TMEM50B: variants seen among roughly 807,000 people sequenced by gnomAD.
TMEM50B encodes the protein HCV p7-trans-regulated protein 3.
TMEM50B carries 14 observed loss-of-function variants against 23.4 expected under a neutral mutation model. The ratio of observed to expected loss-of-function variants is 0.60; its 90% CI spans 0.39 to 0.93. The LOEUF is 0.93. Ranked by LOEUF, TMEM50B falls within the 40% of genes least tolerant of loss-of-function variation. TMEM50B has a pLI of 0.00. For missense variants in TMEM50B, 159 were observed against 193.0 expected (o/e 0.82, Z 1.04); for synonymous variants, 64 against 62.3 (o/e 1.03, Z -0.13).
chr21:33,460,560 T>C (rs1400188344), intron 4 of TMEM50B, 55 bp from the exon 5 acceptor site: 1 of 1,051,508 alleles, frequency 9.5e-7, no homozygotes, highest in Admixed American at 2.3e-5. Flanking sequence ...CTGTAACGTC[T>C]TAGGAATACA....
chr21:33,459,647 GAC>G (rs1281512086), intron 5 of TMEM50B, among the ~76,000 whole-genome samples: 2 of 137,362 alleles, frequency 1.5e-5, no homozygotes, highest in Admixed American at 8.0e-5. Flanking sequence ...CATCCTGGGT[GAC>G]AGAGTGAGAC....
At chr21:33,443,676 T>C (rs2084027821) in intron 7 of TMEM50B, among the ~76,000 whole-genome samples, 1 of 152,150 alleles carries the variant, frequency 6.6e-6, no homozygotes, top group African/African-American at 2.4e-5. Context: ...TCTGAAGAAT[T>C]TGAATAAGGC....
chr21:33,467,873 A>G (rs746923585), intron 2 of TMEM50B, among the ~76,000 whole-genome samples: 26 of 152,192 alleles, frequency 1.7e-4, no homozygotes, highest in Non-Finnish European at 2.8e-4. Flanking sequence ...GTAAACAGAT[A>G]AAGAAATTTG....
chr21:33,446,655 C>CAAAAAA (rs869154931), downstream of TMEM50B, among the ~76,000 whole-genome samples: 10 of 19,162 alleles, frequency 5.2e-4, no homozygotes, highest in Non-Finnish European at 6.8e-4. Context: ...CACACACACA[C>CAAAAAA]AAAAAAAAAA....
chr21:33,449,039 A>G (rs1434981248), downstream of TMEM50B: 1 of 152,226 alleles, frequency 6.6e-6, no homozygotes, highest in Non-Finnish European at 1.5e-5. Flanking sequence ...CTTATTTTAT[A>G]AACATAACTG....
chr21:33,465,273 G>A (rs2084254938), intron 4 of TMEM50B, 69 bp downstream of exon 4: 3 of 1,173,916 alleles, frequency 2.6e-6, no homozygotes, highest in Non-Finnish European at 3.8e-6. Flanking sequence ...AGACTCACAA[G>A]AGAGGCTTTT....
chr21:33,454,102 C>A (rs1202834146), intron 6 of TMEM50B, among the ~76,000 whole-genome samples: 1,456 of 99,954 alleles, frequency 0.015, no homozygotes, highest in Non-Finnish European at 0.015. Context: ...GAATCCAGCT[C>A]AAAAAAAAAA....
At chr21:33,458,739 G>A (rs1226715946) in intron 5 of TMEM50B, among the ~76,000 whole-genome samples, 1 of 152,188 alleles carries the variant, frequency 6.6e-6, no homozygotes, top group Non-Finnish European at 1.5e-5. Flanking sequence ...TATATGGTAT[G>A]CAAATTATAT....
intron 5 of TMEM50B, 121 bp downstream of exon 5, chr21:33,460,292 C>T: frequency 1.4e-6 from 1 of 706,894 alleles, no homozygotes; most frequent in Admixed American, 2.3e-5. Flanking sequence ...TATCTTCACA[C>T]AGAGCAGTAT....
At chr21:33,440,978 C>T (rs1158937742) in intron 7 of TMEM50B, among the ~76,000 whole-genome samples, 1 of 152,008 alleles carries the variant, frequency 6.6e-6, no homozygotes, top group Non-Finnish European at 1.5e-5. Context: ...ACCTGTAATC[C>T]CAGCATTTTG....
Position 33,479,889 on chromosome 21 carries a change from A to C in TMEM50B, c.-93T>G, listed in dbSNP as rs931570161. On this transcript the variant is annotated 5_prime_UTR_variant, in exon 1 of 7. Transcript: ENST00000542230. ...CTTCAGGCGCGCGCGCAGGAAGGAGACTGCTGCGCCACAACCCTGCCGGCG... is the reference window on the plus strand; with the variant it reads ...CTTCAGGCGCGCGCGCAGGAAGGAGCCTGCTGCGCCACAACCCTGCCGGCG... 6.6e-5 allele frequency: 10 copies of C among 152,214 alleles called. No individual in the cohort carries two copies. Among genetic ancestry groups the C allele is most frequent in the Non-Finnish European group, 1.5e-4 (10 of 68,064 alleles). 9.4% of individuals were successfully genotyped at this position (152,214 alleles called of 1,614,324 possible).
At chr21:33,452,337 C>T (rs1395351481) in intron 6 of TMEM50B, among the ~76,000 whole-genome samples, 1 of 152,152 alleles carries the variant, frequency 6.6e-6, no homozygotes, top group Non-Finnish European at 1.5e-5. Flanking sequence ...TGCCATGCAG[C>T]GTACAGACAG....
At chr21:33,454,102 C>CAAAAAA (rs35393378) in intron 6 of TMEM50B, among the ~76,000 whole-genome samples, 1 of 100,318 alleles carries the variant, frequency 1.0e-5, no homozygotes, top group Non-Finnish European at 1.9e-5. Context: ...GAATCCAGCT[C>CAAAAAA]AAAAAAAAAA....
chr21:33,440,564 C>T (rs2083999067), intron 7 of TMEM50B, among the ~76,000 whole-genome samples: 1 of 149,882 alleles, frequency 6.7e-6, no homozygotes, highest in Non-Finnish European at 1.5e-5. Flanking sequence ...TGCCTGGTGA[C>T]AGAGCGAGAC....
rs1601092305 is a variant in TMEM50B at position 33,432,506 on chromosome 21, G to A, written c.*2417C>T. ...TGTGCTGAGATTTGCAGTAGTGGAG[G>A]CTACCAGACAGCTACCACTTGCTTT... On this transcript the variant is annotated 3_prime_UTR_variant and NMD_transcript_variant, in exon 9 of 9. Coordinates refer to the TMEM50B transcript ENST00000420455. 4 of 846,498 alleles carry A rather than the reference G, an allele frequency of 4.7e-6. No homozygotes were observed. The East Asian group carries it at 7.6e-5, about 16-fold the overall frequency. The allele number at this position is 846,498 out of a possible 1,614,324, so 52.4% of individuals were successfully genotyped here.
At chr21:33,435,193 G>T (rs575604098) in intron 8 of TMEM50B, among the ~76,000 whole-genome samples, 5 of 152,120 alleles carry the variant, frequency 3.3e-5, no homozygotes, top group Non-Finnish European at 5.9e-5. Flanking sequence ...GAAATTAATC[G>T]CTGGGAAACA....
chr21:33,438,395 A>T (rs529987981), intron 8 of TMEM50B, among the ~76,000 whole-genome samples: 19 of 152,380 alleles, frequency 1.2e-4, no homozygotes, highest in African/African-American at 4.3e-4. Flanking sequence ...TTTGTGGGCA[A>T]TAAAGAGAAT....
chr21:33,471,832 G>A (rs1300209401), intron 1 of TMEM50B, among the ~76,000 whole-genome samples: 4 of 151,754 alleles, frequency 2.6e-5, no homozygotes, highest in East Asian at 1.9e-4. Flanking sequence ...TCAGGAGATC[G>A]AGACCATCCT....
chr21:33,451,709 G>C (rs762786383), intron 6 of TMEM50B, among the ~76,000 whole-genome samples: 1 of 152,170 alleles, frequency 6.6e-6, no homozygotes, highest in Non-Finnish European at 1.5e-5. Context: ...TGTGAAGTAG[G>C]AATCTGGATA....
Sources: allele counts gnomAD v4.1 joint callset (sites outside exome capture counted in the v4.1 genomes callset), GRCh38; gene constraint gnomAD v4.1.1; transcripts MANE v1.5; gene names NCBI Gene and HGNC (gene_info 2026-07-23, HGNC 2026-07-21).